Variants in ULBP1 observed in about 807,000 individuals in gnomAD.
The protein encoded by ULBP1 is UL16-binding protein 1.
ULBP1 carries 28 observed loss-of-function variants against 25.3 expected under a neutral mutation model. The observed-to-expected ratio is 1.10, with a 90% CI of 0.82 to 1.51. ULBP1 has a LOEUF of 1.51. Ranked by LOEUF, ULBP1 falls within the 40% of genes most tolerant of loss-of-function variation. The pLI, the probability that ULBP1 is intolerant of heterozygous loss-of-function variation, is 0.00. For synonymous variants in ULBP1, 129 were observed against 103.0 expected, an observed-to-expected ratio of 1.25 and a Z score of -1.53; for missense variants, 348 against 290.9, an observed-to-expected ratio of 1.20 and a Z score of -1.43.
chr6:149,973,606 A>G lies in ULBP1; in HGVS notation c.*2260A>G, dbSNP rs372669872. 2 of 152,364 alleles carry G rather than the reference A, an allele frequency of 1.3e-5. No homozygotes were observed. The highest frequency in any genetic ancestry group is 1.9e-4 in the East Asian group (1 of 5,192). The allele number at this position is 152,364 out of a possible 1,614,324, so 9.4% of individuals were successfully genotyped here. A position where few individuals can be genotyped will look rare whatever the true frequency, so the allele number is the denominator to read the frequency against. ...TAAAATCTAGTCATTTAAGATAATC[A>G]TAAGTTGTATGATGATAATTGTATA... On this transcript the variant is annotated 3_prime_UTR_variant, in exon 5 of 5. Transcript: ENST00000229708.
chr6:149,969,425 G>A, intron 3 of ULBP1, 65 bp downstream of exon 3: 1 of 1,574,080 alleles, frequency 6.4e-7, no homozygotes, highest in Non-Finnish European at 8.6e-7. Flanking sequence ...GTGTATGTGT[G>A]TGAGTGCGTG....
chr6:149,968,471 G>C (rs1236004577), intron 1 of ULBP1, 136 bp from the exon 2 acceptor site: 27 of 1,205,002 alleles, frequency 2.2e-5, no homozygotes, highest in Non-Finnish European at 2.9e-5. Flanking sequence ...TTTCATGACA[G>C]TCCTGGCTGG....
In ULBP1 at chr6:149,963,964, C is replaced by G; in HGVS notation, c.-86C>G. The G allele has an allele frequency of 2.1e-6, 3 of 1,398,172 alleles. No homozygotes were observed. Among genetic ancestry groups the G allele is most frequent in the African/African-American group, 1.4e-5 (1 of 69,632 alleles). The allele number at this position is 1,398,172 out of a possible 1,614,324, so 86.6% of individuals were successfully genotyped here. A position where few individuals can be genotyped will look rare whatever the true frequency, so the allele number is the denominator to read the frequency against. On this transcript the variant is annotated 5_prime_UTR_variant, in exon 1 of 5. Transcript: ENST00000229708. Reference sequence around the variant, plus strand: ...CAGTGTATCCCTGCGCGCGGCGGGCCGGGCTGGGCAGCTTTATAAACAGCC... The same window carrying G: ...CAGTGTATCCCTGCGCGCGGCGGGCGGGGCTGGGCAGCTTTATAAACAGCC...
In ULBP1 at chr6:149,971,279, C is replaced by T. The variant is rs116002437; in HGVS notation, c.*23-90C>T. ...TGTTTCTTATTTGTGGGAGAGGTTC[C>T]GAAATGGGGAGGGCCTGGGAAGGAT... is the stretch of plus-strand genomic sequence containing the variant. On this transcript the variant is annotated intron_variant, in intron 4 of 4. Transcript: ENST00000229708. 7.7e-4 allele frequency: 711 copies of T among 921,082 alleles called. 5 individuals are homozygous for T. The African/African-American group carries it at 0.012, about 15-fold the overall frequency. The allele number at this position is 921,082 out of a possible 1,614,324, so 57.1% of individuals were successfully genotyped here.
chr6:149,964,072 C>T lies in ULBP1; in HGVS notation c.23C>T (p.Ala8Val), dbSNP rs563903877. The T allele has an allele frequency of 1.9e-6, 3 of 1,614,206 alleles. No individual in the cohort carries two copies. The highest frequency in any genetic ancestry group is 2.5e-6 in the Non-Finnish European group (3 of 1,180,038). MAAAASP[A>V]FLLCLPLLHL... ...ACAATGGCAGCGGCCGCCAGCCCCG[C>T]GTTCCTTCTGTGCCTCCCGCTTCTG... The change falls in exon 1 of 5, where the codon GCG (alanine) becomes GTG (valine). Residue 8 changes from alanine (A) to valine (V), a missense_variant. By Grantham distance (64) the Ala-to-Val change is moderately conservative. Coordinates refer to ENST00000229708, the MANE Select transcript of ULBP1 (RefSeq NM_025218.4).
chr6:149,970,732 C>A (rs1296387886), intron 4 of ULBP1, among the ~76,000 whole-genome samples: 3 of 152,232 alleles, frequency 2.0e-5, no homozygotes, highest in Admixed American at 6.5e-5. Context: ...GGCCAGGCCC[C>A]TTGGACCCAT....
At chr6:149,968,902 A>T in intron 2 of ULBP1, 32 bp downstream of exon 2, 1 of 1,600,704 alleles carries the variant, frequency 6.2e-7, no homozygotes, top group Non-Finnish European at 8.5e-7. Flanking sequence ...GAGCAGACAC[A>T]GTAGTAACTT....
intron 1 of ULBP1, 92 bp downstream of exon 1, chr6:149,964,226 A>T: frequency 7.0e-7 from 1 of 1,425,468 alleles, no homozygotes; most frequent in Non-Finnish European, 9.7e-7. Context: ...GGCTTCTGGA[A>T]GGACCGGCGC....
chr6:149,965,195 C>T lies in ULBP1; in HGVS notation c.85+1061C>T, dbSNP rs373042655. Reference sequence around the variant, plus strand: ...GCCTCCCCGAACATCGCGGTCTCCCCGAACATCGCGATCCCCCAGAACATC... The same window carrying T: ...GCCTCCCCGAACATCGCGGTCTCCCTGAACATCGCGATCCCCCAGAACATC... On this transcript the variant is annotated intron_variant, in intron 1 of 4. Coordinates refer to ENST00000229708, the MANE Select transcript of ULBP1 (RefSeq NM_025218.4). 1.7e-4 allele frequency among the ~76,000 whole-genome samples: 21 copies of T among 122,536 alleles called. 2 individuals carry two copies. Among genetic ancestry groups the T allele is most frequent in the East Asian group, 1.3e-3 (5 of 3,776 alleles). 80.4% of individuals were successfully genotyped at this position (122,536 alleles called of 152,430 possible). A position where few individuals can be genotyped will look rare whatever the true frequency, so the allele number is the denominator to read the frequency against.
rs181325066 is a variant in ULBP1, at chr6:149,968,458, A to C, written c.86-149A>C. 127 of 1,055,454 alleles carry C rather than the reference A, an allele frequency of 1.2e-4. No individual in the cohort carries two copies. The African/African-American group carries it at 1.9e-3, about 16-fold the overall frequency. 65.4% of individuals were successfully genotyped at this position (1,055,454 alleles called of 1,614,324 possible). On this transcript the variant is annotated intron_variant, in intron 1 of 4. Coordinates refer to ENST00000229708, the MANE Select transcript of ULBP1 (RefSeq NM_025218.4). ...AAGGGAGACGCTCTAGTCATTAACTAGTTTTCATGACAGTCCTGGCTGGGG... is the reference window on the plus strand; with the variant it reads ...AAGGGAGACGCTCTAGTCATTAACTCGTTTTCATGACAGTCCTGGCTGGGG...
chr6:149,969,880 T>C, intron 3 of ULBP1, 136 bp from the exon 4 acceptor site: 1 of 1,182,462 alleles, frequency 8.5e-7, no homozygotes, highest in Non-Finnish European at 1.2e-6. Flanking sequence ...CCAAGACTTG[T>C]CCCAGAGGTT....
At chr6:149,964,186 G>T (rs762968154) in intron 1 of ULBP1, 52 bp downstream of exon 1, 2 of 1,602,026 alleles carry the variant, frequency 1.2e-6, no homozygotes, top group Non-Finnish European at 1.7e-6. Flanking sequence ...CTGGGAGGTT[G>T]TGGACTGCAG....
At chr6:149,971,141 G>GT (rs1360475790) in intron 4 of ULBP1, among the ~76,000 whole-genome samples, 1 of 152,212 alleles carries the variant, frequency 6.6e-6, no homozygotes, top group Non-Finnish European at 1.5e-5. Context: ...ACCAGCCTCA[G>GT]TTGTGAGCCC....
Position 149,969,350 on chromosome 6 carries a change from G to A in ULBP1, c.615G>A (p.Leu205=). The change falls in exon 3 of 5, where the codon CTG becomes CTA. Residue 205 remains leucine, a synonymous_variant. Transcript: ENST00000229708. ...TTTTGATGTACTGGGAACAAATGCT[G>A]GATCCAACAAGTAAGTGAGAGGGGG... is the stretch of plus-strand genomic sequence containing the variant. ...EEFLMYWEQM[L]DPTKPPSLAP... The A allele has an allele frequency of 6.2e-7, 1 of 1,612,778 alleles. No individual in the cohort carries two copies. The highest frequency in any genetic ancestry group is 1.3e-5 in the African/African-American group (1 of 75,038).
rs200647989 is a variant in ULBP1 at position 149,964,030 on chromosome 6, C to T, written c.-20C>T. 6.2e-7 allele frequency: 1 copy of T among 1,613,590 alleles called. No individual in the cohort carries two copies. The highest frequency in any genetic ancestry group is 1.3e-5 in the African/African-American group (1 of 74,934). Reference sequence around the variant, plus strand: ...AAGGGAACCATCAGCGCCTCCTGTCCACGGAGCTCCAGGTCTACAATGGCA... The same window carrying T: ...AAGGGAACCATCAGCGCCTCCTGTCTACGGAGCTCCAGGTCTACAATGGCA... On this transcript the variant is annotated 5_prime_UTR_variant, in exon 1 of 5. Coordinates refer to ENST00000229708, the MANE Select transcript of ULBP1 (RefSeq NM_025218.4).
chr6:149,970,609 G>T (rs141674731), intron 4 of ULBP1, among the ~76,000 whole-genome samples: 2 of 152,368 alleles, frequency 1.3e-5, no homozygotes, highest in Non-Finnish European at 2.9e-5. Context: ...GAGCTGTGAG[G>T]GTCTTGGCCC....
chr6:149,971,309 CAGG>C (rs993488916), intron 4 of ULBP1, 57 bp from the exon 5 acceptor site: 2 of 983,192 alleles, frequency 2.0e-6, no homozygotes, highest in South Asian at 9.4e-5. Context: ...AAGGATCACC[CAGG>C]AGAACAGACC....
At position 149,973,300 on chromosome 6, in the gene ULBP1, C is replaced by G. The variant is rs1269912761; in HGVS notation, c.*1954C>G. ...ATTAAATTCGCATGAACCACAGATG[C>G]TGGAGATCACCAGACCGGGGAGAGA... On this transcript the variant is annotated 3_prime_UTR_variant, in exon 5 of 5. Transcript: ENST00000229708. 6.6e-6 allele frequency: 1 copy of G among 152,152 alleles called. No individual in the cohort carries two copies. The highest frequency in any genetic ancestry group is 1.5e-5 in the Non-Finnish European group (1 of 68,032). The allele number at this position is 152,152 out of a possible 1,614,324, so 9.4% of individuals were successfully genotyped here.
At position 149,971,811 on chromosome 6, in the gene ULBP1, T is replaced by A. The variant is rs1488106507; in HGVS notation, c.*465T>A. 6.6e-6 allele frequency: 1 copy of A among 152,210 alleles called. No individual in the cohort carries two copies. Among genetic ancestry groups the A allele is most frequent in the Non-Finnish European group, 1.5e-5 (1 of 68,036 alleles). The allele number at this position is 152,210 out of a possible 1,614,324, so 9.4% of individuals were successfully genotyped here. A position where few individuals can be genotyped will look rare whatever the true frequency, so the allele number is the denominator to read the frequency against. ...CTTTTGATGCACTGACCAGGAATTG[T>A]GATAATCCTTTTCATTTTTATGGCT... On this transcript the variant is annotated 3_prime_UTR_variant, in exon 5 of 5. Coordinates refer to ENST00000229708, the MANE Select transcript of ULBP1 (RefSeq NM_025218.4).
Sources: gnomAD v4.1 joint callset for allele counts (sites outside exome capture counted in the v4.1 genomes callset) on GRCh38, gnomAD v4.1.1 for gene constraint, MANE v1.5 for transcripts, NCBI Gene and HGNC (gene_info 2026-07-23, HGNC 2026-07-21) for gene names.